The following GRM4 variants were observed in gnomAD, a reference collection of about 807,000 sequenced individuals.
GRM4 encodes metabotropic glutamate receptor 4.
Under a neutral mutation model 81.7 loss-of-function variants are expected in GRM4, and 28 were observed. The observed-to-expected ratio is 0.34, with a 90% CI of 0.25 to 0.47. The LOEUF (loss-of-function observed/expected upper bound fraction) is 0.47. Ranked by LOEUF, GRM4 falls within the 20% of genes least tolerant of loss-of-function variation. The pLI is 1.00. For missense variants in GRM4, 948 were observed against 1,290.0 expected (o/e 0.73, Z 4.06); for synonymous variants, 488 against 528.8 (o/e 0.92, Z 1.06).
At chr6:34,027,185 G>C (rs888224305) in intron 10 of GRM4, among the ~76,000 whole-genome samples, 7 of 152,194 alleles carry the variant, frequency 4.6e-5, no homozygotes, top group Non-Finnish European at 1.0e-4. Flanking sequence ...AGGTCGCAGG[G>C]CAGGAAAAGG....
intron 3 of GRM4, among the ~76,000 whole-genome samples, chr6:34,076,890 T>G (rs1581662769): frequency 1.3e-5 from 2 of 149,608 alleles, no homozygotes; most frequent in Admixed American, 6.7e-5. Context: ...ACATGGGGGG[T>G]GGAAGACAGG....
Sources: gnomAD v4.1 joint callset for allele counts (sites outside exome capture counted in the v4.1 genomes callset) on GRCh38, gnomAD v4.1.1 for gene constraint, MANE v1.5 for transcripts, NCBI Gene and HGNC (gene_info 2026-07-23, HGNC 2026-07-21) for gene names.